NRP2: variants seen among roughly 807,000 people sequenced by gnomAD.
NRP2 encodes the protein neuropilin-2.
In NRP2, 52 loss-of-function variants were observed where a neutral mutation model predicts 110.4. The ratio of observed to expected loss-of-function variants is 0.47; its 90% CI spans 0.38 to 0.59. NRP2 has a LOEUF of 0.59. NRP2 is among the 20% of genes least tolerant of loss of function. The probability of loss-of-function intolerance (pLI) is 0.00; values close to 1 mark genes in which losing one functional copy is unlikely to be tolerated. For missense variants in NRP2, 1,049 were observed against 1,203.0 expected (o/e 0.87, Z 1.89); for synonymous variants, 508 against 468.9 (o/e 1.08, Z -1.08).
At position 205,717,139 on chromosome 2, in the gene NRP2, A is replaced by G. The variant is rs574761663; in HGVS notation, c.433+765A>G. 7.7e-3 allele frequency among the ~76,000 whole-genome samples: 556 copies of G among 72,344 alleles called. 5 individuals carry two copies. Among genetic ancestry groups the G allele is most frequent in the African/African-American group, 0.021 (514 of 24,542 alleles). 47.5% of individuals were successfully genotyped at this position (72,344 alleles called of 152,430 possible). On this transcript the variant is annotated intron_variant, in intron 3 of 16. Transcript: ENST00000357785. ...GACCCCGCTTCATCAGCTACACTCA[A>G]GCTCTCCCAGTGGTGTGTCCTCTTC...
intron 2 of NRP2, among the ~76,000 whole-genome samples, chr2:205,703,823 A>G (rs2056614081): frequency 6.6e-6 from 1 of 152,198 alleles, no homozygotes; most frequent in South Asian, 2.1e-4. Context: ...GCCTGAACCC[A>G]ATTTCTTAAC....
intron 1 of NRP2, among the ~76,000 whole-genome samples, chr2:205,684,379 A>G (rs1041446724): frequency 1.3e-5 from 2 of 152,178 alleles, no homozygotes; most frequent in Non-Finnish European, 2.9e-5. Flanking sequence ...TGGAGAAACC[A>G]TCTATGGAGG....
intron 2 of NRP2, among the ~76,000 whole-genome samples, chr2:205,712,868 A>G (rs1246843721): frequency 6.6e-6 from 1 of 152,210 alleles, no homozygotes; most frequent in African/African-American, 2.4e-5. Flanking sequence ...TTTTCTAAGA[A>G]GTTCAAGTAA....
At chr2:205,699,333 T>C (rs1231498774) in intron 2 of NRP2, among the ~76,000 whole-genome samples, 1 of 152,168 alleles carries the variant, frequency 6.6e-6, no homozygotes, top group Non-Finnish European at 1.5e-5. Flanking sequence ...CTGCAGAAGG[T>C]TGGCACAAAT....
At chr2:205,731,858 G>A (rs756276583) in intron 7 of NRP2, among the ~76,000 whole-genome samples, 4 of 152,168 alleles carry the variant, frequency 2.6e-5, no homozygotes, top group Non-Finnish European at 5.9e-5. Flanking sequence ...TTAATGTAAG[G>A]ATGACCTCCA....
intron 15 of NRP2, chr2:205,778,280 A>G (rs1226394119): frequency 1.3e-5 from 2 of 150,388 alleles, no homozygotes; most frequent in Admixed American, 6.6e-5. Context: ...CGATATCCAG[A>G]TATGTCCCTT....
chr2:205,738,516 T>G (rs849580), intron 7 of NRP2, among the ~76,000 whole-genome samples: 1 of 152,224 alleles, frequency 6.6e-6, no homozygotes, highest in African/African-American at 2.4e-5. Context: ...GGAGCCCTTT[T>G]TCAGTACGAA....
chr2:205,718,593 C>T (rs185282071), intron 3 of NRP2, among the ~76,000 whole-genome samples: 1 of 152,186 alleles, frequency 6.6e-6, no homozygotes, highest in Non-Finnish European at 1.5e-5. Context: ...CAGGGCCACT[C>T]GTACCTGCCG....
At chr2:205,741,309 A>G (rs2057437724) in intron 8 of NRP2, among the ~76,000 whole-genome samples, 1 of 152,212 alleles carries the variant, frequency 6.6e-6, no homozygotes, top group Non-Finnish European at 1.5e-5. Context: ...CTCAAGGAAG[A>G]CTTCTTTGAG....
rs547230863 is a variant in NRP2, at chr2:205,765,613, C to A, written c.2404+43C>A. 5 of 1,537,592 alleles carry A rather than the reference C, an allele frequency of 3.3e-6. No homozygotes were observed. In the South Asian group the frequency reaches 5.6e-5, roughly 17 times the overall value. On this transcript the variant is annotated intron_variant, in intron 14 of 16. Transcript: ENST00000357785. ...TCTTCATGGTTCTTTCAAATAAGAC[C>A]CCAAGGGCTGGGATAAGCAAGAGGA...
At chr2:205,773,762 G>A (rs1332907033) in intron 15 of NRP2, among the ~76,000 whole-genome samples, 1 of 152,238 alleles carries the variant, frequency 6.6e-6, no homozygotes, top group African/African-American at 2.4e-5. Flanking sequence ...CATAGGTTGT[G>A]TATTTTGTGT....
chr2:205,740,794 TACC>T, intron 8 of NRP2, 131 bp downstream of exon 8: 1 of 992,438 alleles, frequency 1.0e-6, no homozygotes, highest in Non-Finnish European at 1.5e-6. Flanking sequence ...ACTCAAGTCC[TACC>T]AGAGTTTGTC....
At chr2:205,762,607 A>C (rs1349768673) in intron 12 of NRP2, 2 of 152,228 alleles carry the variant, frequency 1.3e-5, no homozygotes, top group Non-Finnish European at 2.9e-5. Context: ...TCCATGCTGC[A>C]TATGTGGTAG....
chr2:205,740,729 C>A, intron 8 of NRP2, 66 bp downstream of exon 8: 2 of 1,578,814 alleles, frequency 1.3e-6, no homozygotes, highest in Non-Finnish European at 8.7e-7. Flanking sequence ...CCTTTCAACT[C>A]TCTGCAAACA....
At chr2:205,752,386 T>A (rs534782096) in intron 11 of NRP2, 26 of 238,946 alleles carry the variant, frequency 1.1e-4, no homozygotes, top group African/African-American at 5.9e-4. Context: ...GATTTCAGTC[T>A]CTCTGGATGC....
chr2:205,706,046 A>G (rs2056667784), intron 2 of NRP2, among the ~76,000 whole-genome samples: 1 of 151,536 alleles, frequency 6.6e-6, no homozygotes, highest in Admixed American at 6.6e-5. Context: ...CCTCCCTGTC[A>G]CCTACCTCCT....
chr2:205,725,853 G>T lies in NRP2; in HGVS notation c.821-60G>T. 1 of 1,582,388 alleles carries T rather than the reference G, an allele frequency of 6.3e-7. No individual in the cohort carries two copies. Among genetic ancestry groups the T allele is most frequent in the South Asian group, 1.1e-5 (1 of 90,226 alleles). The stretch of plus-strand genomic sequence containing the variant: ...GTCCCTAGAAGGGAGGCAGCATTTG[G>T]GGGATCCCGAGGTATGAGGTTGGAA... On this transcript the variant is annotated intron_variant, in intron 5 of 16. Transcript: ENST00000357785. This position sits in a 1 kb window ranked among gnomAD's most constrained non-coding sequence, Gnocchi z 4.1.
chr2:205,686,592 G>T lies in NRP2; in HGVS notation c.73+3229G>T, dbSNP rs1347671500. Among the ~76,000 whole-genome samples the T allele has an allele frequency of 6.6e-6, 1 of 152,182 alleles. No homozygotes were observed. Among genetic ancestry groups the T allele is most frequent in the Non-Finnish European group, 1.5e-5 (1 of 68,028 alleles). ...GTCCAGCGGCTGGGTGGCGGGCGCC[G>T]GTAGCCCTAGTGTTTGGAGGTGGGG... On this transcript the variant is annotated intron_variant, in intron 1 of 16. Coordinates refer to ENST00000357785, the MANE Select transcript of NRP2 (RefSeq NM_003872.3). The surrounding 1 kb of genome is among the most constrained non-coding windows in gnomAD (Gnocchi z 4.7).
chr2:205,703,954 C>T (rs956668597), intron 2 of NRP2, among the ~76,000 whole-genome samples: 1 of 152,164 alleles, frequency 6.6e-6, no homozygotes, highest in African/African-American at 2.4e-5. Flanking sequence ...GGCCAGACAA[C>T]TTCCACCATC....
Sources: gnomAD v4.1 joint callset for allele counts (sites outside exome capture counted in the v4.1 genomes callset) on GRCh38, gnomAD v4.1.1 for gene constraint, Gnocchi (gnomAD v3.1) non-coding constraint, MANE v1.5 for transcripts, NCBI Gene and HGNC (gene_info 2026-07-23, HGNC 2026-07-21) for gene names.